The following CADM1 variants were observed in gnomAD, a reference collection of about 807,000 sequenced individuals.
CADM1 encodes TSLC-1.
CADM1 carries 15 observed loss-of-function variants against 53.1 expected under a neutral mutation model. The ratio of observed to expected loss-of-function variants is 0.28; its 90% CI spans 0.19 to 0.44. CADM1 has a LOEUF of 0.44. CADM1 is among the 20% of genes least tolerant of loss of function. The probability of loss-of-function intolerance (pLI) is 1.00; values close to 1 mark genes in which losing one functional copy is unlikely to be tolerated. For missense variants in CADM1, 434 were observed against 611.3 expected (o/e 0.71, Z 3.06); for synonymous variants, 281 against 243.0 (o/e 1.16, Z -1.45).
At chr11:115,225,609 C>T (rs556556887) in intron 5 of CADM1, among the ~76,000 whole-genome samples, 1 of 152,258 alleles carries the variant, frequency 6.6e-6, no homozygotes, top group South Asian at 2.1e-4. Flanking sequence ...TTAATTAGGA[C>T]TTAAATCCAC....
intron 9 of CADM1, chr11:115,194,189 TACAG>T (rs1199844138): frequency 1.3e-5 from 2 of 152,196 alleles, no homozygotes; most frequent in Admixed American, 6.5e-5. Flanking sequence ...TATGTGCTCA[TACAG>T]AGAGATGTAC....
intron 1 of CADM1, among the ~76,000 whole-genome samples, chr11:115,360,557 C>T (rs1167373531): frequency 6.6e-6 from 1 of 152,182 alleles, no homozygotes; most frequent in Non-Finnish European, 1.5e-5. Flanking sequence ...GAAAATATAT[C>T]AAAGCCAGAT....
chr11:115,319,686 G>A (rs1591705053), intron 1 of CADM1, among the ~76,000 whole-genome samples: 1 of 152,264 alleles, frequency 6.6e-6, no homozygotes, highest in South Asian at 2.1e-4. Context: ...AAAAGGGCCA[G>A]ACTGCTCAAG....
At chr11:115,439,005 G>A (rs1591239972) in intron 1 of CADM1, among the ~76,000 whole-genome samples, 2 of 152,190 alleles carry the variant, frequency 1.3e-5, no homozygotes, top group East Asian at 3.8e-4. Context: ...TCTTAAAGGT[G>A]AAGCATTATC....
At chr11:115,316,611 G>T (rs1944673936) in intron 1 of CADM1, among the ~76,000 whole-genome samples, 1 of 152,068 alleles carries the variant, frequency 6.6e-6, no homozygotes, top group Admixed American at 6.6e-5. Context: ...AAAATGTATA[G>T]TGTTACCGTG....
chr11:115,428,830 T>C (rs1947967058), intron 1 of CADM1, among the ~76,000 whole-genome samples: 1 of 151,944 alleles, frequency 6.6e-6, no homozygotes, highest in Admixed American at 6.6e-5. Flanking sequence ...GACTAGGAAA[T>C]CCAGAAAGGA....
Position 115,504,305 on chromosome 11 carries a change from C to T in CADM1, c.90G>A (p.Leu30=), listed in dbSNP as rs1445775432. The T allele has an allele frequency of 1.3e-6, 2 of 1,563,272 alleles. No individual in the cohort carries two copies. The highest frequency in any genetic ancestry group is 1.7e-6 in the Non-Finnish European group (2 of 1,154,740). The stretch of plus-strand genomic sequence containing the variant: ...TCAGTGCCGCGGCGGAGAAGAGCAA[C>T]AGCAGAAGCCGGAGCCGGAGCCCGG... ...APPGLRLRLL[L]LLFSAAALIP... is the part of the protein sequence containing the mutation. Residue 30 remains leucine, a synonymous_variant, in exon 1 of 12, where the codon CTG becomes CTA. Transcript: ENST00000331581.
Position 115,234,532 on chromosome 11 carries a change from G to T in CADM1, c.425-3042C>A, listed in dbSNP as rs115554837. Among the ~76,000 whole-genome samples the T allele has an allele frequency of 9.2e-3, 1,393 of 152,214 alleles. 22 individuals are homozygous for T. The highest frequency in any genetic ancestry group is 0.032 in the African/African-American group (1,329 of 41,530). On this transcript the variant is annotated intron_variant, in intron 3 of 11. Coordinates refer to ENST00000331581, the MANE Select transcript of CADM1 (RefSeq NM_001301043.2). ...CCAGTGCTAGTTCCTAGGATTATAT[G>T]CCCAAAGAGCTGACATCATCTTCAA...
chr11:115,176,137 G>T lies in CADM1; in HGVS notation c.*337C>A. On this transcript the variant is annotated 3_prime_UTR_variant, in exon 12 of 12. Transcript: ENST00000331581. ...GAGGGAGGAAATAAATGTGCACAAAGGGGGAAAAGAAAGGAACGCAACAAA... is the reference window on the plus strand; with the variant it reads ...GAGGGAGGAAATAAATGTGCACAAATGGGGAAAAGAAAGGAACGCAACAAA... The T allele has an allele frequency of 8.6e-7, 1 of 1,156,528 alleles. No homozygotes were observed. Among genetic ancestry groups the T allele is most frequent in the South Asian group, 1.9e-5 (1 of 53,076 alleles). The allele number at this position is 1,156,528 out of a possible 1,614,324, so 71.6% of individuals were successfully genotyped here. A position where few individuals can be genotyped will look rare whatever the true frequency, so the allele number is the denominator to read the frequency against.
intron 1 of CADM1, among the ~76,000 whole-genome samples, chr11:115,280,230 T>C (rs1483256282): frequency 2.0e-5 from 3 of 152,206 alleles, no homozygotes; most frequent in Non-Finnish European, 4.4e-5. Context: ...TTAACAAATA[T>C]ACCATCTTTT....
intron 1 of CADM1, among the ~76,000 whole-genome samples, chr11:115,250,669 T>G (rs952375976): frequency 6.6e-6 from 1 of 152,250 alleles, no homozygotes; most frequent in East Asian, 1.9e-4. Context: ...ATGATAACAA[T>G]AGCTAATGTA....
At position 115,481,187 on chromosome 11, in the gene CADM1, C is replaced by G. The variant is rs979265303; in HGVS notation, c.124+23084G>C. The stretch of plus-strand genomic sequence containing the variant: ...ATGTGTCTACAGCATGCTTCCTATT[C>G]TGCACTTCCATTTGCTCCACGCATT... On this transcript the variant is annotated intron_variant, in intron 1 of 11. Coordinates refer to ENST00000331581, the MANE Select transcript of CADM1 (RefSeq NM_001301043.2). Among the ~76,000 whole-genome samples the G allele has an allele frequency of 3.3e-5, 5 of 152,298 alleles. No homozygotes were observed. The South Asian group carries it at 8.3e-4, about 25-fold the overall frequency.
At chr11:115,495,025 G>T (rs192936974) in intron 1 of CADM1, among the ~76,000 whole-genome samples, 3 of 152,178 alleles carry the variant, frequency 2.0e-5, no homozygotes, top group African/African-American at 4.8e-5. Context: ...TCACAATGAA[G>T]TTTGCTCACA....
rs1938734704 is a variant in CADM1 at position 115,169,932 on chromosome 11, T to G, written c.*6542A>C. 4.5e-6 allele frequency: 1 copy of G among 224,684 alleles called. No homozygotes were observed. The highest frequency in any genetic ancestry group is 9.0e-6 in the Non-Finnish European group (1 of 110,586). 13.9% of individuals were successfully genotyped at this position (224,684 alleles called of 1,614,324 possible). ...TTTGCTTGCTATTAAAGGCCTGCATTAGGCTCTTCCAACACCAGCTCTGGA... is the reference window on the plus strand; with the variant it reads ...TTTGCTTGCTATTAAAGGCCTGCATGAGGCTCTTCCAACACCAGCTCTGGA... On this transcript the variant is annotated 3_prime_UTR_variant, in exon 12 of 12. Transcript: ENST00000331581.
chr11:115,260,250 T>C (rs1205705768), intron 1 of CADM1, among the ~76,000 whole-genome samples: 1 of 152,184 alleles, frequency 6.6e-6, no homozygotes, highest in Middle Eastern at 3.2e-3. Flanking sequence ...TTTAATGTGC[T>C]TAGATTGACC....
chr11:115,238,173 A>G (rs1942077057), intron 3 of CADM1, among the ~76,000 whole-genome samples: 1 of 152,192 alleles, frequency 6.6e-6, no homozygotes, highest in Admixed American at 6.5e-5. Flanking sequence ...CTTCTCCTGC[A>G]CACAAGGAAG....
chr11:115,390,578 T>C (rs968915214), intron 1 of CADM1, among the ~76,000 whole-genome samples: 1 of 151,534 alleles, frequency 6.6e-6, no homozygotes, highest in Non-Finnish European at 1.5e-5. Context: ...AAGTGTTTAG[T>C]TAACTGAAAG....
In CADM1 at chr11:115,264,269, G is replaced by C. The variant is rs77319842; in HGVS notation, c.125-23849C>G. On this transcript the variant is annotated intron_variant, in intron 1 of 11. Transcript: ENST00000331581. ...TTAAAATACAAACGGAACTTCCTTTGTCAGTCTTGACTTGTTTTATTAACA... is the reference window on the plus strand; with the variant it reads ...TTAAAATACAAACGGAACTTCCTTTCTCAGTCTTGACTTGTTTTATTAACA... Among the ~76,000 whole-genome samples, 874 of 152,256 alleles carry C rather than the reference G, an allele frequency of 5.7e-3. 11 individuals are homozygous for C. The highest frequency in any genetic ancestry group is 0.019 in the African/African-American group (802 of 41,546).
chr11:115,243,861 C>A (rs1023119673), intron 1 of CADM1, among the ~76,000 whole-genome samples: 1 of 152,116 alleles, frequency 6.6e-6, no homozygotes, highest in Admixed American at 6.5e-5. Context: ...AAGGCAGAAA[C>A]AGGACATGTT....
Sources: gnomAD v4.1 joint callset for allele counts (sites outside exome capture counted in the v4.1 genomes callset) on GRCh38, gnomAD v4.1.1 for gene constraint, MANE v1.5 for transcripts, NCBI Gene and HGNC (gene_info 2026-07-23, HGNC 2026-07-21) for gene names.